Variants in CLYBL observed in about 807,000 individuals in gnomAD.
The protein encoded by CLYBL is citramalyl-CoA lyase.
Under a neutral mutation model 38.9 loss-of-function variants are expected in CLYBL, and 31 were observed. That is an observed-to-expected ratio of 0.80 (90% CI 0.60 to 1.08). CLYBL has a LOEUF of 1.08. Among genes scored for constraint, CLYBL ranks in the 50% least tolerant of loss-of-function variants. The pLI is 0.00. For synonymous variants in CLYBL, 171 were observed against 158.6 expected, an observed-to-expected ratio of 1.08 and a Z score of -0.59; for missense variants, 434 against 411.6, an observed-to-expected ratio of 1.05 and a Z score of -0.47.
At chr13:99,676,397 C>T (rs1485090075) in intron 1 of CLYBL, among the ~76,000 whole-genome samples, 2 of 151,860 alleles carry the variant, frequency 1.3e-5, no homozygotes, top group African/African-American at 4.8e-5. Context: ...GCAGCCTCCA[C>T]CTCATTTGTT....
rs1451678878 is a variant in CLYBL at position 99,648,523 on chromosome 13, A to G, written c.62+41766A>G. 6.6e-5 allele frequency among the ~76,000 whole-genome samples: 10 copies of G among 152,350 alleles called. No homozygotes were observed. In the South Asian group the frequency reaches 1.9e-3, roughly 28 times the overall value. On this transcript the variant is annotated intron_variant, in intron 1 of 8. Transcript: ENST00000339105. ...AATACCTTATGATGATAATCTGATT[A>G]GTGGAGCTGCCTGCGTTACTATTTA... is the stretch of plus-strand genomic sequence containing the variant.
At chr13:99,688,760 G>A (rs534393387) in intron 1 of CLYBL, among the ~76,000 whole-genome samples, 17 of 152,216 alleles carry the variant, frequency 1.1e-4, no homozygotes, top group Non-Finnish European at 1.5e-4. Context: ...CCGTTCCTGG[G>A]TATTAAAGCC....
At chr13:99,696,866 G>T (rs535599180) in intron 1 of CLYBL, among the ~76,000 whole-genome samples, 4 of 151,296 alleles carry the variant, frequency 2.6e-5, no homozygotes, top group South Asian at 2.1e-4. Context: ...AAGATGAGAA[G>T]ATAAGGAAAT....
chr13:99,658,566 G>A (rs953840061), intron 1 of CLYBL, among the ~76,000 whole-genome samples: 7 of 152,150 alleles, frequency 4.6e-5, no homozygotes, highest in African/African-American at 1.7e-4. Context: ...CGCGGAGTTG[G>A]GGTAGCTAGG....
chr13:99,870,120 A>G (rs189823788), intron 6 of CLYBL, among the ~76,000 whole-genome samples: 34 of 152,278 alleles, frequency 2.2e-4, no homozygotes, highest in African/African-American at 1.2e-4. Flanking sequence ...CTACAGAGAT[A>G]AGATTTCTTC....
At chr13:99,759,088 G>A (rs1163994503) in intron 1 of CLYBL, among the ~76,000 whole-genome samples, 1 of 152,214 alleles carries the variant, frequency 6.6e-6, no homozygotes, top group African/African-American at 2.4e-5. Context: ...AAGCACTAAG[G>A]GGCACCTTTT....
At chr13:99,775,105 T>C (rs2049483928) in intron 2 of CLYBL, among the ~76,000 whole-genome samples, 1 of 152,138 alleles carries the variant, frequency 6.6e-6, no homozygotes, top group Non-Finnish European at 1.5e-5. Flanking sequence ...TAATCATGAT[T>C]AGAGGGGAAT....
intron 2 of CLYBL, among the ~76,000 whole-genome samples, chr13:99,836,953 T>C (rs1219291387): frequency 1.3e-5 from 2 of 152,010 alleles, no homozygotes; most frequent in Non-Finnish European, 2.9e-5. Context: ...GACAAGTTAA[T>C]GGGTGCAGCA....
At chr13:99,822,721 T>C (rs889151870) in intron 2 of CLYBL, among the ~76,000 whole-genome samples, 15 of 152,332 alleles carry the variant, frequency 9.8e-5, no homozygotes, top group African/African-American at 3.4e-4. Context: ...TGTTGAGGAA[T>C]TGGGAAAACC....
intron 2 of CLYBL, among the ~76,000 whole-genome samples, chr13:99,774,071 A>G (rs573231989): frequency 6.6e-6 from 1 of 152,022 alleles, no homozygotes; most frequent in Admixed American, 6.6e-5. Context: ...TTCTACCAAA[A>G]AAAAAAAAAA....
At chr13:99,733,472 C>G (rs1191191934) in intron 1 of CLYBL, among the ~76,000 whole-genome samples, 1 of 152,170 alleles carries the variant, frequency 6.6e-6, no homozygotes, top group Non-Finnish European at 1.5e-5. Flanking sequence ...TTGCCTATTT[C>G]CCTTGCTTTT....
intron 2 of CLYBL, among the ~76,000 whole-genome samples, chr13:99,819,603 G>A (rs1418682798): frequency 6.6e-6 from 1 of 151,310 alleles, no homozygotes; most frequent in Non-Finnish European, 1.5e-5. Context: ...GCAAACGGAA[G>A]ACCTAGAAAA....
At chr13:99,821,220 C>G (rs2050582256) in intron 2 of CLYBL, among the ~76,000 whole-genome samples, 1 of 152,128 alleles carries the variant, frequency 6.6e-6, no homozygotes, top group Non-Finnish European at 1.5e-5. Flanking sequence ...CCAAACTTAC[C>G]ATTTTCAGGA....
chr13:99,644,282 A>G (rs1486468040), intron 1 of CLYBL, among the ~76,000 whole-genome samples: 2 of 152,122 alleles, frequency 1.3e-5, no homozygotes, highest in East Asian at 1.9e-4. Flanking sequence ...GTATGTATGC[A>G]TGTGCAAGCT....
chr13:99,783,997 T>G lies in CLYBL; in HGVS notation c.249+10987T>G, dbSNP rs2049722923. Reference sequence around the variant, plus strand: ...TTGAAATAACCTATCTAAATCATTTTTTGTTGTTTCTGCTGACTCTTACTT... The same window carrying G: ...TTGAAATAACCTATCTAAATCATTTGTTGTTGTTTCTGCTGACTCTTACTT... On this transcript the variant is annotated intron_variant, in intron 2 of 8. Coordinates refer to ENST00000339105, the MANE Select transcript of CLYBL (RefSeq NM_206808.5). 3 of 152,224 alleles carry G rather than the reference T, an allele frequency of 2.0e-5. No homozygotes were observed. The South Asian group carries it at 6.2e-4, about 31-fold the overall frequency. The allele number at this position is 152,224 out of a possible 1,614,324, so 9.4% of individuals were successfully genotyped here.
chr13:99,890,794 G>A (rs1180577590), intron 7 of CLYBL, among the ~76,000 whole-genome samples: 1 of 152,088 alleles, frequency 6.6e-6, no homozygotes, highest in African/African-American at 2.4e-5. Flanking sequence ...ATCGTCTTCT[G>A]TATGGGTTTA....
rs536170213 is a variant in CLYBL at position 99,827,263 on chromosome 13, C to T, written c.250-31598C>T. On this transcript the variant is annotated intron_variant, in intron 2 of 8. Transcript: ENST00000339105. The stretch of plus-strand genomic sequence containing the variant: ...GTGTTCCGTATACACATATCGATTC[C>T]CCTCTCTAATTCCCAGAGCTAGTGC... 7.9e-5 allele frequency among the ~76,000 whole-genome samples: 12 copies of T among 152,216 alleles called. No homozygotes were observed. The South Asian group carries it at 1.7e-3, about 21-fold the overall frequency.
intron 1 of CLYBL, among the ~76,000 whole-genome samples, chr13:99,656,446 A>C (rs2047332101): frequency 6.6e-6 from 1 of 152,202 alleles, no homozygotes; most frequent in Admixed American, 6.5e-5. Flanking sequence ...GTCTACAGAT[A>C]GGTATATATA....
At chr13:99,691,568 G>C (rs1371482775) in intron 1 of CLYBL, among the ~76,000 whole-genome samples, 6 of 151,824 alleles carry the variant, frequency 4.0e-5, no homozygotes, top group African/African-American at 1.5e-4. Flanking sequence ...AATTGCCACT[G>C]TGTGACCCAT....
Sources: gnomAD v4.1 joint callset for allele counts (sites outside exome capture counted in the v4.1 genomes callset) on GRCh38, gnomAD v4.1.1 for gene constraint, MANE v1.5 for transcripts, NCBI Gene and HGNC (gene_info 2026-07-23, HGNC 2026-07-21) for gene names.